The following BLTP2 variants were observed in gnomAD, a reference collection of about 807,000 sequenced individuals.
BLTP2 encodes the protein U937-associated antigen.
chr17:28,638,024 C>T, the BLTP2 span: 4 of 1,614,124 alleles, frequency 2.5e-6, no homozygotes, highest in South Asian at 2.2e-5. Flanking sequence ...CTGAAGTCCT[C>T]GAATGGTACA....
At chr17:28,641,956 C>G in the BLTP2 span, 1 of 1,614,190 alleles carries the variant, frequency 6.2e-7, no homozygotes, top group Non-Finnish European at 8.5e-7. Flanking sequence ...GGAAGAGGCC[C>G]TCATGCAGTT....
chr17:28,642,500 A>C, the BLTP2 span: 1 of 616,530 alleles, frequency 1.6e-6, no homozygotes, highest in Non-Finnish European at 2.9e-6. Context: ...AAATACAAAA[A>C]ATTAGCCAGG....
At chr17:28,643,453 T>C in the BLTP2 span, 5 of 1,361,026 alleles carry the variant, frequency 3.7e-6, no homozygotes, top group African/African-American at 4.3e-5. Context: ...TATCAATATC[T>C]TCCTCACAAC....
the BLTP2 span, among the ~76,000 whole-genome samples, chr17:28,629,650 G>C: frequency 1.3e-5 from 2 of 151,852 alleles, no homozygotes; most frequent in African/African-American, 4.8e-5. Flanking sequence ...GCAAATTTTT[G>C]TATTTTTTAG....
chr17:28,620,436 GAAGCCC>G, the BLTP2 span: 6 of 1,545,828 alleles, frequency 3.9e-6, no homozygotes, highest in African/African-American at 6.9e-5. Flanking sequence ...TTTTGTTACA[GAAGCCC>G]AAATAAAGCA....
chr17:28,632,683 C>T, the BLTP2 span, among the ~76,000 whole-genome samples: 1 of 152,154 alleles, frequency 6.6e-6, no homozygotes, highest in Non-Finnish European at 1.5e-5. Flanking sequence ...CTTCGACTTT[C>T]AAGCCTCCAG....
the BLTP2 span, chr17:28,644,903 G>T: frequency 8.4e-7 from 1 of 1,194,802 alleles, no homozygotes; most frequent in Non-Finnish European, 1.2e-6. Flanking sequence ...AGTAAGGCGC[G>T]CGCCCCCTCC....
chr17:28,628,207 C>T, the BLTP2 span: 6 of 1,455,114 alleles, frequency 4.1e-6, no homozygotes, highest in Non-Finnish European at 5.7e-6. Context: ...AACTCCTGTC[C>T]AAGCCCATAT....
At chr17:28,617,077 TGA>T in the BLTP2 span, 1 of 1,213,004 alleles carries the variant, frequency 8.2e-7, no homozygotes. Context: ...CTCTGCAGAA[TGA>T]GAGGAGAAGC....
At chr17:28,642,361 A>G in the BLTP2 span, 11 of 1,612,508 alleles carry the variant, frequency 6.8e-6, no homozygotes, top group African/African-American at 1.5e-4. Context: ...AATTAAGAGC[A>G]CTTGGCCTTG....
chr17:28,626,421 T>C, the BLTP2 span, among the ~76,000 whole-genome samples: 1 of 152,186 alleles, frequency 6.6e-6, no homozygotes, highest in Non-Finnish European at 1.5e-5. Flanking sequence ...GCATATAAAA[T>C]CTAAAATCAT....
At chr17:28,633,221 T>C in the BLTP2 span, 1 of 1,597,414 alleles carries the variant, frequency 6.3e-7, no homozygotes, top group South Asian at 1.1e-5. Flanking sequence ...CCCTTGGCTC[T>C]TCCCCCTCCC....
At chr17:28,623,913 T>C in the BLTP2 span, 1 of 1,614,136 alleles carries the variant, frequency 6.2e-7, no homozygotes, top group African/African-American at 1.3e-5. Flanking sequence ...GCAGTTGGGC[T>C]TTGGCAGCTG....
chr17:28,645,154 C>T, the BLTP2 span: 3 of 1,009,502 alleles, frequency 3.0e-6, no homozygotes, highest in Middle Eastern at 2.3e-4. Context: ...CAGCTGCGCG[C>T]GCAGGAGCAA....
the BLTP2 span, chr17:28,637,135 G>A: frequency 1.9e-6 from 3 of 1,613,986 alleles, no homozygotes; most frequent in Admixed American, 1.7e-5. Context: ...GCACTGCCCA[G>A]GATAGTTAGG....
the BLTP2 span, chr17:28,616,513 T>C: frequency 1.2e-6 from 2 of 1,614,144 alleles, no homozygotes; most frequent in African/African-American, 1.3e-5. This position sits in a 1 kb window ranked among gnomAD's most constrained non-coding sequence, Gnocchi z 4.8. Context: ...GGTATTCCTA[T>C]GAAAAAGCAA....
the BLTP2 span, chr17:28,642,561 G>C: frequency 3.0e-5 from 17 of 575,628 alleles, no homozygotes; most frequent in African/African-American, 2.8e-4. Flanking sequence ...TGAGGCAGGA[G>C]AATGGTCTGA....
the BLTP2 span, chr17:28,644,175 G>A: frequency 1.2e-6 from 2 of 1,613,214 alleles, no homozygotes; most frequent in Non-Finnish European, 1.7e-6. Flanking sequence ...TGGCCAACCG[G>A]ACCACAAGCC....
chr17:28,631,320 G>T, the BLTP2 span, among the ~76,000 whole-genome samples: 1 of 152,172 alleles, frequency 6.6e-6, no homozygotes, highest in African/African-American at 2.4e-5. Flanking sequence ...ACCCAACCAT[G>T]CGGGCACCGT....
Sources: allele counts gnomAD v4.1 joint callset (sites outside exome capture counted in the v4.1 genomes callset), GRCh38; gene constraint gnomAD v4.1.1; non-coding constraint Gnocchi (gnomAD v3.1); transcripts MANE v1.5; gene names NCBI Gene and HGNC (gene_info 2026-07-23, HGNC 2026-07-21).